Variants in UGT1A10 observed in about 807,000 individuals in gnomAD.
UGT1A10 encodes UDP-glucuronosyltransferase 1A10.
In UGT1A10, 49 loss-of-function variants were observed where a neutral mutation model predicts 45.8. The observed-to-expected ratio is 1.07, with a 90% CI of 0.85 to 1.36. UGT1A10 has a LOEUF of 1.36. UGT1A10 is among the 40% of genes most tolerant of loss of function. UGT1A10 has a pLI of 0.00. For missense variants in UGT1A10, 745 were observed against 668.6 expected (o/e 1.11, Z -1.26); for synonymous variants, 284 against 249.7 (o/e 1.14, Z -1.29).
intron 1 of UGT1A10, among the ~76,000 whole-genome samples, chr2:233,727,867 C>G (rs1213003028): frequency 6.6e-6 from 1 of 152,194 alleles, no homozygotes; most frequent in Non-Finnish European, 1.5e-5. Context: ...AGGGAAGCCT[C>G]AGCCTCACCA....
intron 1 of UGT1A10, among the ~76,000 whole-genome samples, chr2:233,664,601 A>T (rs1386831884): frequency 6.6e-6 from 1 of 152,228 alleles, no homozygotes; most frequent in African/African-American, 2.4e-5. Flanking sequence ...TGACAAAAGC[A>T]GGATCAAGAG....
chr2:233,656,782 C>G (rs866947986), intron 1 of UGT1A10, among the ~76,000 whole-genome samples: 6 of 152,118 alleles, frequency 3.9e-5, no homozygotes, highest in Non-Finnish European at 8.8e-5. Flanking sequence ...TCCCGCTGGC[C>G]AGGAGGGTTC....
chr2:233,656,772 T>C (rs961941286), intron 1 of UGT1A10, among the ~76,000 whole-genome samples: 2 of 152,084 alleles, frequency 1.3e-5, no homozygotes, highest in Non-Finnish European at 2.9e-5. Context: ...TTCTTTGGGG[T>C]CCCGCTGGCC....
intron 1 of UGT1A10, among the ~76,000 whole-genome samples, chr2:233,758,813 G>T (rs1033516774): frequency 6.6e-6 from 1 of 152,176 alleles, no homozygotes; most frequent in Non-Finnish European, 1.5e-5. Context: ...TAGTACAGCA[G>T]TATATCCCCC....
chr2:233,690,980 A>C, intron 1 of UGT1A10: 2 of 997,300 alleles, frequency 2.0e-6, no homozygotes, highest in Non-Finnish European at 2.4e-6. Context: ...AACAGGACCC[A>C]CATATGAGCA....
rs575244143 is a variant in UGT1A10, at chr2:233,730,709, C to T, written c.856-36325C>T. Among the ~76,000 whole-genome samples, 89 of 152,156 alleles carry T rather than the reference C, an allele frequency of 5.8e-4. 1 individual carries two copies. The highest frequency in any genetic ancestry group is 6.8e-3 in the Middle Eastern group (2 of 294). ...TCAAATGATTCTTCTACTTGGAATG[C>T]TGAAATTATCAAGAAATGGCGGAAG... On this transcript the variant is annotated intron_variant, in intron 1 of 4. Coordinates refer to ENST00000344644, the MANE Select transcript of UGT1A10 (RefSeq NM_019075.4).
intron 1 of UGT1A10, chr2:233,760,107 A>T: frequency 8.4e-7 from 1 of 1,186,456 alleles, no homozygotes; most frequent in South Asian, 1.6e-5. Flanking sequence ...GCCTATTAAG[A>T]AACCTAATAA....
rs1399305779 is a variant in UGT1A10, at chr2:233,769,284, T to C, written c.1295+845T>C. 6.6e-6 allele frequency among the ~76,000 whole-genome samples: 1 copy of C among 152,226 alleles called. No individual in the cohort carries two copies. The highest frequency in any genetic ancestry group is 1.5e-5 in the Non-Finnish European group (1 of 68,038). ...AACGATTCAAAGGGCAAATGATTTC[T>C]GGATTAAAGTTAGTATATTACTGTC... On this transcript the variant is annotated intron_variant, in intron 4 of 4. Coordinates refer to ENST00000344644, the MANE Select transcript of UGT1A10 (RefSeq NM_019075.4). The surrounding 1 kb of genome is among the most constrained non-coding windows in gnomAD (Gnocchi z 4.4).
chr2:233,769,507 T>C lies in UGT1A10; in HGVS notation c.1295+1068T>C. 6.2e-7 allele frequency: 1 copy of C among 1,612,744 alleles called. No homozygotes were observed. Among genetic ancestry groups the C allele is most frequent in the South Asian group, 1.1e-5 (1 of 91,058 alleles). The stretch of plus-strand genomic sequence containing the variant: ...TGTGTTTATGAGAGTGTCCATTGCT[T>C]TCTCCCATGGTTACCTCCTTTAGAA... On this transcript the variant is annotated intron_variant, in intron 4 of 4. Coordinates refer to ENST00000344644, the MANE Select transcript of UGT1A10 (RefSeq NM_019075.4). This position sits in a 1 kb window ranked among gnomAD's most constrained non-coding sequence, Gnocchi z 4.4.
intron 1 of UGT1A10, chr2:233,692,787 A>C (rs1444664842): frequency 1.5e-6 from 2 of 1,360,804 alleles, no homozygotes; most frequent in Non-Finnish European, 1.9e-6. Context: ...AGCTCAGGTG[A>C]AAGCTGACAC....
chr2:233,694,007 C>T (rs1054591616), intron 1 of UGT1A10: 26 of 1,457,592 alleles, frequency 1.8e-5, no homozygotes, highest in African/African-American at 8.5e-5. Context: ...CTCGGAGCAG[C>T]GGGAACACAT....
intron 1 of UGT1A10, among the ~76,000 whole-genome samples, chr2:233,735,843 T>C (rs1217610969): frequency 2.0e-5 from 3 of 152,092 alleles, no homozygotes; most frequent in South Asian, 2.1e-4. Flanking sequence ...TGGCCCCCAC[T>C]CTCTTCTGTC....
chr2:233,709,130 G>A (rs569076662), intron 1 of UGT1A10, among the ~76,000 whole-genome samples: 60 of 152,068 alleles, frequency 3.9e-4, no homozygotes, highest in Non-Finnish European at 7.9e-4. Flanking sequence ...TGGTGGCCAA[G>A]GGGATGAGAC....
intron 1 of UGT1A10, among the ~76,000 whole-genome samples, chr2:233,730,887 G>T (rs979903664): frequency 2.6e-5 from 4 of 152,076 alleles, no homozygotes; most frequent in African/African-American, 7.2e-5. Context: ...TCTATAGTGG[G>T]ATCTACTCCT....
At chr2:233,761,337 T>C (rs1199702907) in intron 1 of UGT1A10, among the ~76,000 whole-genome samples, 1 of 152,264 alleles carries the variant, frequency 6.6e-6, no homozygotes, top group Non-Finnish European at 1.5e-5. Context: ...GATTTCTTGG[T>C]ATCTGAGATT....
chr2:233,738,530 G>A (rs1226975410), intron 1 of UGT1A10, among the ~76,000 whole-genome samples: 4 of 152,208 alleles, frequency 2.6e-5, no homozygotes, highest in African/African-American at 9.6e-5. Flanking sequence ...GGACAATGAA[G>A]TCCAGGCTGA....
intron 1 of UGT1A10, chr2:233,692,799 G>T: frequency 7.2e-7 from 1 of 1,392,828 alleles, no homozygotes. Flanking sequence ...AGCTGACACG[G>T]CCATAGTTGG....
intron 1 of UGT1A10, chr2:233,730,108 C>T (rs1261016305): frequency 1.3e-6 from 2 of 1,570,456 alleles, no homozygotes; most frequent in Non-Finnish European, 1.7e-6. Flanking sequence ...TTCATTTCTG[C>T]TTCTCCTTGT....
Position 233,772,498 on chromosome 2 carries a change from A to C in UGT1A10, c.1532A>C (p.Tyr511Ser). The change falls in exon 5 of 5, where the codon TAC (tyrosine) becomes TCC (serine). Residue 511 changes from tyrosine to serine, a missense_variant. Physicochemically the swap from Tyr to Ser is moderately radical, Grantham distance 144 (BLOSUM62 -2). Coordinates refer to ENST00000344644, the MANE Select transcript of UGT1A10 (RefSeq NM_019075.4). ...FITFKCCAYG[Y>S]RKCLGKKGRV... is the part of the protein sequence containing the mutation. ...ACCTTTAAATGTTGTGCTTATGGCTACCGGAAATGCTTGGGGAAAAAAGGG... is the reference window on the plus strand; with the variant it reads ...ACCTTTAAATGTTGTGCTTATGGCTCCCGGAAATGCTTGGGGAAAAAAGGG... 1.2e-6 allele frequency: 2 copies of C among 1,614,186 alleles called. No individual in the cohort carries two copies. The highest frequency in any genetic ancestry group is 2.2e-5 in the South Asian group (2 of 91,082).
Sources: allele counts gnomAD v4.1 joint callset (sites outside exome capture counted in the v4.1 genomes callset), GRCh38; gene constraint gnomAD v4.1.1; non-coding constraint Gnocchi (gnomAD v3.1); transcripts MANE v1.5; gene names NCBI Gene and HGNC (gene_info 2026-07-23, HGNC 2026-07-21).